SLC43A2: variants seen among roughly 807,000 people sequenced by gnomAD.
The protein encoded by SLC43A2 is solute carrier family 43 member 2, also known as large neutral amino acids transporter small subunit 4.
SLC43A2 carries 38 observed loss-of-function variants against 63.2 expected under a neutral mutation model. The ratio of observed to expected loss-of-function variants is 0.60; its 90% CI spans 0.46 to 0.79. The LOEUF is 0.79. Among genes scored for constraint, SLC43A2 ranks in the 30% least tolerant of loss-of-function variants. The probability of loss-of-function intolerance (pLI) is 0.00; values close to 1 mark genes in which losing one functional copy is unlikely to be tolerated. For synonymous variants in SLC43A2, 322 were observed against 331.0 expected (o/e 0.97, Z 0.30); for missense variants, 644 against 756.2 (o/e 0.85, Z 1.74).
intron 3 of SLC43A2, 31 bp downstream of exon 3, chr17:1,616,531 A>G (rs1383793689): frequency 6.3e-7 from 1 of 1,580,196 alleles, no homozygotes; most frequent in South Asian, 1.1e-5. Flanking sequence ...CCACCTGCCC[A>G]CTCCCTGCCC....
intron 9 of SLC43A2, chr17:1,586,929 C>CA: frequency 1.5e-6 from 1 of 657,348 alleles, no homozygotes; most frequent in Non-Finnish European, 2.5e-6. Flanking sequence ...CCCTGACAAT[C>CA]CCCCCCACCC....
chr17:1,610,019 C>T (rs1033081734), intron 5 of SLC43A2, among the ~76,000 whole-genome samples: 5 of 152,034 alleles, frequency 3.3e-5, no homozygotes, highest in African/African-American at 7.2e-5. Flanking sequence ...AAGCGATTCT[C>T]CTGCCTCAGT....
Position 1,627,833 on chromosome 17 carries a change from C to T in SLC43A2, c.42G>A (p.Trp14Ter). ...TLATAHRRRWWMACTAVLENL... is the reference protein window; with the variant it reads ...TLATAHRRRW ...TCTCCAGCACGGCCGTGCAGGCCAT[C>T]CACCAGCGGCGCCGATGGGCAGTGG... The change falls in exon 2 of 14, where the codon TGG becomes TGA. Residue 14 changes from tryptophan to a stop codon, truncating the protein, a stop_gained. Transcript: ENST00000301335. LOFTEE classifies it high-confidence loss of function. 4 of 1,589,954 alleles carry T rather than the reference C, an allele frequency of 2.5e-6. No individual in the cohort carries two copies. Among genetic ancestry groups the T allele is most frequent in the Non-Finnish European group, 3.4e-6 (4 of 1,168,548 alleles).
At chr17:1,581,415 A>C (rs1216112206) in intron 11 of SLC43A2, among the ~76,000 whole-genome samples, 1 of 152,182 alleles carries the variant, frequency 6.6e-6, no homozygotes, top group South Asian at 2.1e-4. Context: ...GGCCGGAGGG[A>C]TGCAGCACCC....
chr17:1,595,880 CAAATT>C (rs1347591735), intron 5 of SLC43A2, among the ~76,000 whole-genome samples: 1 of 152,206 alleles, frequency 6.6e-6, no homozygotes, highest in African/African-American at 2.4e-5. Flanking sequence ...TGCCTGCAAG[CAAATT>C]AACTGTTACT....
At chr17:1,594,613 A>T (rs555166146) in intron 5 of SLC43A2, among the ~76,000 whole-genome samples, 57 of 120,870 alleles carry the variant, frequency 4.7e-4, no homozygotes, top group African/African-American at 1.4e-3. Flanking sequence ...TTTGAGACGG[A>T]GTCTCGCTCT....
intron 11 of SLC43A2, among the ~76,000 whole-genome samples, chr17:1,582,774 A>C (rs561737389): frequency 6.6e-6 from 1 of 152,176 alleles, no homozygotes; most frequent in Non-Finnish European, 1.5e-5. Context: ...GTTGAGTGGA[A>C]TGAATGAAAG....
At chr17:1,615,803 GCT>G (rs1907592874) in intron 3 of SLC43A2, among the ~76,000 whole-genome samples, 2 of 143,910 alleles carry the variant, frequency 1.4e-5, no homozygotes. Flanking sequence ...AGATCGCGCC[GCT>G]GCACTCTAGC....
chr17:1,628,096 C>T (rs2151087102), intron 1 of SLC43A2, 176 bp from the exon 2 acceptor site: 1 of 556,434 alleles, frequency 1.8e-6, no homozygotes, highest in East Asian at 4.4e-5. Flanking sequence ...ACACCCCGAG[C>T]CCGCGGCCGG....
At chr17:1,612,802 T>C (rs1404102827) in intron 5 of SLC43A2, among the ~76,000 whole-genome samples, 1 of 152,144 alleles carries the variant, frequency 6.6e-6, no homozygotes, top group Admixed American at 6.5e-5. Context: ...CGAAACCCCA[T>C]GTGTACTAAA....
intron 5 of SLC43A2, among the ~76,000 whole-genome samples, chr17:1,596,100 C>T (rs1433957212): frequency 4.6e-5 from 7 of 152,110 alleles, no homozygotes; most frequent in African/African-American, 1.4e-4. Flanking sequence ...GCAGGCAGAT[C>T]ACGAGGTCAG....
chr17:1,600,975 A>G (rs1175412270), intron 5 of SLC43A2, among the ~76,000 whole-genome samples: 1 of 152,044 alleles, frequency 6.6e-6, no homozygotes, highest in Non-Finnish European at 1.5e-5. Flanking sequence ...AAGAAAAGAT[A>G]ACATCTGAAT....
chr17:1,588,862 C>T (rs143628960), intron 9 of SLC43A2, among the ~76,000 whole-genome samples: 1,705 of 152,332 alleles, frequency 0.011, 23 homozygotes, highest in South Asian at 0.075. Flanking sequence ...CATTCGGAAC[C>T]AGCACCCGGG....
In SLC43A2 at chr17:1,575,508, G is replaced by C. The variant is rs1001051323; in HGVS notation, c.*96C>G. 11 of 1,519,682 alleles carry C rather than the reference G, an allele frequency of 7.2e-6. No individual in the cohort carries two copies. Among genetic ancestry groups the C allele is most frequent in the Non-Finnish European group, 1.0e-5 (11 of 1,098,612 alleles). The allele number at this position is 1,519,682 out of a possible 1,614,324, so 94.1% of individuals were successfully genotyped here. ...GCGTGAACGCTGGCACGGAGACGGC[G>C]AAGGTCCTGGGGGTGCGTGGGGTAC... On this transcript the variant is annotated 3_prime_UTR_variant, in exon 14 of 14. Coordinates refer to ENST00000301335, the MANE Select transcript of SLC43A2 (RefSeq NM_152346.3).
chr17:1,592,097 C>T (rs1444168087), intron 6 of SLC43A2, among the ~76,000 whole-genome samples: 5 of 151,538 alleles, frequency 3.3e-5, no homozygotes, highest in Admixed American at 6.6e-5. Context: ...TGATGCTTCC[C>T]CAGTGCCTCT....
intron 2 of SLC43A2, among the ~76,000 whole-genome samples, chr17:1,618,114 G>T (rs1029475200): frequency 1.3e-5 from 2 of 152,220 alleles, no homozygotes; most frequent in Non-Finnish European, 2.9e-5. Context: ...GGCCTCTCGG[G>T]GTTCCTCCAA....
Position 1,575,294 on chromosome 17 carries a change from G to A in SLC43A2, c.*310C>T, listed in dbSNP as rs541174879. ...AGAGGCAGAATCCAGACACTGGCGG[G>A]AGAGCGCCTGCCTGCCGGGCGTTCC... On this transcript the variant is annotated 3_prime_UTR_variant, in exon 14 of 14. Coordinates refer to ENST00000301335, the MANE Select transcript of SLC43A2 (RefSeq NM_152346.3). 1.1e-5 allele frequency: 5 copies of A among 470,278 alleles called. No individual in the cohort carries two copies. The highest frequency in any genetic ancestry group is 8.0e-5 in the African/African-American group (4 of 49,950). 29.1% of individuals were successfully genotyped at this position (470,278 alleles called of 1,614,324 possible).
At chr17:1,608,027 C>A (rs189933834) in intron 5 of SLC43A2, among the ~76,000 whole-genome samples, 2 of 152,086 alleles carry the variant, frequency 1.3e-5, no homozygotes, top group East Asian at 3.9e-4. Flanking sequence ...AGACAGTAGA[C>A]CTTTTGGGCT....
intron 2 of SLC43A2, among the ~76,000 whole-genome samples, chr17:1,624,899 TA>T (rs993513199): frequency 2.0e-5 from 3 of 151,000 alleles, no homozygotes; most frequent in Non-Finnish European, 4.4e-5. Flanking sequence ...CTGTCTCAAA[TA>T]AAAAAAAACC....
Sources: allele counts gnomAD v4.1 joint callset (sites outside exome capture counted in the v4.1 genomes callset), GRCh38; gene constraint gnomAD v4.1.1; transcripts MANE v1.5; gene names NCBI Gene and HGNC (gene_info 2026-07-23, HGNC 2026-07-21).